Variants in TRDN observed in about 807,000 individuals in gnomAD.
The protein encoded by TRDN is triadin, also known as triadin in skeletal muscle.
In TRDN, 161 loss-of-function variants were observed where a neutral mutation model predicts 149.7. The observed-to-expected ratio is 1.08, with a 90% CI of 0.95 to 1.23. The LOEUF (loss-of-function observed/expected upper bound fraction) is 1.23, where lower values mean the gene tolerates loss of function less well. Among genes scored for constraint, TRDN ranks in the 50% most tolerant of loss-of-function variants. The pLI is 0.00. For synonymous variants in TRDN, 294 were observed against 250.5 expected, an observed-to-expected ratio of 1.17 and a Z score of -1.64; for missense variants, 896 against 823.5, an observed-to-expected ratio of 1.09 and a Z score of -1.08.
At chr6:123,509,671 A>G (rs1298658499) in intron 7 of TRDN, 1 of 152,168 alleles carries the variant, frequency 6.6e-6, no homozygotes, top group Non-Finnish European at 1.5e-5. Flanking sequence ...AGATTGTGAA[A>G]CAGAGGCCTG....
chr6:123,440,077 C>T (rs1196657964), intron 10 of TRDN, among the ~76,000 whole-genome samples: 2 of 152,142 alleles, frequency 1.3e-5, no homozygotes, highest in African/African-American at 4.8e-5. Context: ...CTTAAGTTGT[C>T]TACTAATGAC....
chr6:123,579,410 T>TA (rs1340462127), intron 1 of TRDN, among the ~76,000 whole-genome samples: 1 of 152,216 alleles, frequency 6.6e-6, no homozygotes, highest in Non-Finnish European at 1.5e-5. Flanking sequence ...ATGTGGTTTT[T>TA]ATCTTTGGTT....
chr6:123,392,811 A>G (rs887033809), intron 13 of TRDN, among the ~76,000 whole-genome samples: 2 of 152,026 alleles, frequency 1.3e-5, no homozygotes, highest in Non-Finnish European at 1.5e-5. Flanking sequence ...AATTTTGCTC[A>G]GATGTAATAC....
At chr6:123,625,841 T>A (rs1408154457) in intron 1 of TRDN, among the ~76,000 whole-genome samples, 1 of 152,186 alleles carries the variant, frequency 6.6e-6, no homozygotes, top group Non-Finnish European at 1.5e-5. Flanking sequence ...GGTCTTGCCT[T>A]AATATTTATG....
intron 9 of TRDN, among the ~76,000 whole-genome samples, chr6:123,486,830 C>G (rs986835003): frequency 6.6e-6 from 1 of 151,802 alleles, no homozygotes; most frequent in Non-Finnish European, 1.5e-5. Context: ...AGTACTGTTC[C>G]TAGAATTCAG....
At chr6:123,322,462 A>C (rs868619384) in intron 23 of TRDN, among the ~76,000 whole-genome samples, 5 of 152,064 alleles carry the variant, frequency 3.3e-5, no homozygotes, top group South Asian at 2.1e-4. Flanking sequence ...CTAGAATTAG[A>C]CTAAATGATT....
chr6:123,249,215 A>T (rs2114563681), intron 38 of TRDN, among the ~76,000 whole-genome samples: 1 of 152,296 alleles, frequency 6.6e-6, no homozygotes, highest in East Asian at 1.9e-4. Flanking sequence ...ATTATGACAG[A>T]AATTAAAACC....
chr6:123,513,627 G>A (rs942473696), intron 6 of TRDN, among the ~76,000 whole-genome samples: 1 of 151,724 alleles, frequency 6.6e-6, no homozygotes, highest in African/African-American at 2.4e-5. Context: ...TGAAGTTCAT[G>A]GAAATTGAAC....
chr6:123,577,948 C>G (rs1782938121), intron 1 of TRDN, among the ~76,000 whole-genome samples: 1 of 152,102 alleles, frequency 6.6e-6, no homozygotes, highest in Non-Finnish European at 1.5e-5. Context: ...TGAAAAGTGT[C>G]TTTTCATGTC....
At chr6:123,474,029 G>C (rs1777332326) in intron 9 of TRDN, among the ~76,000 whole-genome samples, 1 of 151,786 alleles carries the variant, frequency 6.6e-6, no homozygotes, top group African/African-American at 2.4e-5. Flanking sequence ...GGAAGAAACT[G>C]CATCAACTAA....
chr6:123,455,165 C>CAA (rs1259449363), intron 10 of TRDN, among the ~76,000 whole-genome samples: 1 of 151,784 alleles, frequency 6.6e-6, no homozygotes, highest in Admixed American at 6.6e-5. Context: ...ATTTAGTATG[C>CAA]AAAAGGAAAG....
intron 16 of TRDN, among the ~76,000 whole-genome samples, chr6:123,379,017 C>A (rs1169580305): frequency 6.6e-6 from 1 of 152,106 alleles, no homozygotes; most frequent in Non-Finnish European, 1.5e-5. Flanking sequence ...TTTGCCTTGA[C>A]AACCTTGTCA....
At chr6:123,436,143 T>C (rs1368051308) in intron 12 of TRDN, among the ~76,000 whole-genome samples, 1 of 152,124 alleles carries the variant, frequency 6.6e-6, no homozygotes, top group Non-Finnish European at 1.5e-5. Flanking sequence ...TTTAGTAAAA[T>C]TGATGGCAAG....
chr6:123,246,818 A>G (rs1271188205), intron 38 of TRDN, among the ~76,000 whole-genome samples: 2 of 152,116 alleles, frequency 1.3e-5, no homozygotes, highest in African/African-American at 4.8e-5. Flanking sequence ...ATTTCAGGCC[A>G]ATATCCCTGA....
chr6:123,555,301 T>C (rs1293311685), intron 2 of TRDN, among the ~76,000 whole-genome samples: 1 of 152,166 alleles, frequency 6.6e-6, no homozygotes, highest in African/African-American at 2.4e-5. Context: ...AATGCCTTTT[T>C]TTCTCCCATG....
intron 24 of TRDN, among the ~76,000 whole-genome samples, chr6:123,286,403 A>G (rs930110127): frequency 6.6e-6 from 1 of 152,142 alleles, no homozygotes; most frequent in African/African-American, 2.4e-5. Flanking sequence ...GGAGACTATT[A>G]TTCTAAATGA....
At chr6:123,281,582 C>A (rs1368860709) in intron 24 of TRDN, among the ~76,000 whole-genome samples, 1 of 152,002 alleles carries the variant, frequency 6.6e-6, no homozygotes, top group Non-Finnish European at 1.5e-5. Flanking sequence ...TGACACAATC[C>A]TCTAAGAAAC....
intron 1 of TRDN, among the ~76,000 whole-genome samples, chr6:123,576,102 T>A (rs1056121626): frequency 1.3e-5 from 2 of 152,178 alleles, no homozygotes; most frequent in African/African-American, 4.8e-5. Flanking sequence ...TGGCATTATA[T>A]GTGTTATTCC....
chr6:123,505,886 A>T (rs74759737), intron 7 of TRDN, among the ~76,000 whole-genome samples: 17,803 of 151,976 alleles, frequency 0.12, 1,195 homozygotes, highest in Middle Eastern at 0.17. Context: ...GTTAGTAGAG[A>T]TGGGGTTTCA....
Sources: gnomAD v4.1 joint callset for allele counts (sites outside exome capture counted in the v4.1 genomes callset) on GRCh38, gnomAD v4.1.1 for gene constraint, MANE v1.5 for transcripts, NCBI Gene and HGNC (gene_info 2026-07-23, HGNC 2026-07-21) for gene names.